Variants in GRIA4 observed in about 807,000 individuals in gnomAD.
The protein encoded by GRIA4 is glutamate receptor 4.
A neutral mutation model predicts 104.0 loss-of-function variants in GRIA4; 34 were observed. That is an observed-to-expected ratio of 0.33 (90% confidence interval 0.25 to 0.44). GRIA4 has a LOEUF of 0.44. Among genes scored for constraint, GRIA4 ranks in the 20% least tolerant of loss-of-function variants. The probability of loss-of-function intolerance (pLI) is 1.00; values close to 1 mark genes in which losing one functional copy is unlikely to be tolerated. For missense variants in GRIA4, 750 were observed against 1,096.5 expected (o/e 0.68, Z 4.46); for synonymous variants, 386 against 381.9 (o/e 1.01, Z -0.13).
chr11:105,912,448 G>C, intron 10 of GRIA4: 1 of 961,136 alleles, frequency 1.0e-6, no homozygotes, highest in Non-Finnish European at 1.2e-6. Context: ...AATTTTGCAA[G>C]CATGGCTAGT....
chr11:105,722,309 G>A lies in GRIA4; in HGVS notation c.248-30672G>A, dbSNP rs116132033. On this transcript the variant is annotated intron_variant, in intron 3 of 16. Coordinates refer to ENST00000282499, the MANE Select transcript of GRIA4 (RefSeq NM_000829.4). ...ATTATGATAAGCTTATTGTTATGTA[G>A]GCTCATTGTAAGTTGAGGAGCATCT... Among the ~76,000 whole-genome samples the A allele has an allele frequency of 3.0e-3, 454 of 152,194 alleles. 7 individuals carry two copies. The highest frequency in any genetic ancestry group is 0.011 in the African/African-American group (446 of 41,544).
intron 4 of GRIA4, among the ~76,000 whole-genome samples, chr11:105,845,735 T>A (rs1944565635): frequency 6.6e-6 from 1 of 151,888 alleles, no homozygotes; most frequent in Non-Finnish European, 1.5e-5. Context: ...TACAAAAAAA[T>A]TAGCCAGGTG....
chr11:105,786,736 G>C (rs1451191113), intron 4 of GRIA4, among the ~76,000 whole-genome samples: 1 of 152,126 alleles, frequency 6.6e-6, no homozygotes, highest in Non-Finnish European at 1.5e-5. Flanking sequence ...AAGCGATTTT[G>C]CTATTACTCT....
At chr11:105,788,339 G>T (rs1246631762) in intron 4 of GRIA4, among the ~76,000 whole-genome samples, 1 of 152,038 alleles carries the variant, frequency 6.6e-6, no homozygotes, top group Admixed American at 6.5e-5. Context: ...ACAGTATGGA[G>T]ATTTCTCAAA....
intron 4 of GRIA4, among the ~76,000 whole-genome samples, chr11:105,832,249 G>A (rs944000674): frequency 5.9e-5 from 9 of 151,994 alleles, no homozygotes; most frequent in African/African-American, 2.2e-4. Context: ...AGCAGTAAAA[G>A]CCATTTCCTT....
At chr11:105,898,466 T>C in intron 7 of GRIA4, 39 bp downstream of exon 7, 1 of 1,219,280 alleles carries the variant, frequency 8.2e-7, no homozygotes, top group Non-Finnish European at 1.2e-6. Flanking sequence ...ACTGATAGTT[T>C]CAAAATTTAA....
intron 4 of GRIA4, among the ~76,000 whole-genome samples, chr11:105,822,541 G>C (rs1180476387): frequency 6.6e-6 from 1 of 152,104 alleles, no homozygotes; most frequent in African/African-American, 2.4e-5. Context: ...AGGGTGCTCA[G>C]GGAATGCAAT....
intron 4 of GRIA4, among the ~76,000 whole-genome samples, chr11:105,835,233 G>C (rs1488201336): frequency 6.6e-6 from 1 of 151,924 alleles, no homozygotes; most frequent in Non-Finnish European, 1.5e-5. Context: ...TGTAAGTAGA[G>C]ATTTTCTTCA....
chr11:105,725,671 T>A (rs1424925883), intron 3 of GRIA4, among the ~76,000 whole-genome samples: 2 of 152,020 alleles, frequency 1.3e-5, no homozygotes, highest in Non-Finnish European at 2.9e-5. Flanking sequence ...AGAGGGTGAT[T>A]TCTGCATTTG....
At chr11:105,780,662 T>C (rs1171874958) in intron 4 of GRIA4, among the ~76,000 whole-genome samples, 1 of 152,160 alleles carries the variant, frequency 6.6e-6, no homozygotes, top group Non-Finnish European at 1.5e-5. Flanking sequence ...CTAGAAGTAA[T>C]GCCACTGCCT....
rs774428023 is a variant in GRIA4 at position 105,610,969 on chromosome 11, AGC to A, written c.-22_-21del. 2.8e-6 allele frequency: 4 copies of A among 1,424,826 alleles called. No individual in the cohort carries two copies. Among genetic ancestry groups the A allele is most frequent in the African/African-American group, 2.9e-5 (2 of 69,298 alleles). 88.3% of individuals were successfully genotyped at this position (1,424,826 alleles called of 1,614,324 possible). Reference sequence around the variant, plus strand: ...GGAAGAGTGCGAGAGAAAGAGAGAGAGCGCGCGCCAGGGAGAGGAGAAAAGAA... The same window carrying A: ...GGAAGAGTGCGAGAGAAAGAGAGAGAGCGCGCCAGGGAGAGGAGAAAAGAA... On this transcript the variant is annotated 5_prime_UTR_variant, in exon 2 of 17. Coordinates refer to ENST00000282499, the MANE Select transcript of GRIA4 (RefSeq NM_000829.4).
chr11:105,701,594 A>G (rs1352307499), intron 3 of GRIA4, among the ~76,000 whole-genome samples: 3 of 152,200 alleles, frequency 2.0e-5, no homozygotes, highest in Admixed American at 2.0e-4. Flanking sequence ...AGGTTTATTT[A>G]AAGTATTGGC....
Position 105,831,057 on chromosome 11 carries a change from C to A in GRIA4, c.488-30967C>A, listed in dbSNP as rs574117112. 2.0e-5 allele frequency among the ~76,000 whole-genome samples: 3 copies of A among 151,962 alleles called. No homozygotes were observed. In the South Asian group the frequency reaches 6.2e-4, roughly 32 times the overall value. ...AAAAAGCATTTATTATTTCTAATGA[C>A]TTTTTGTGATGACTTGACTCAGCTG... On this transcript the variant is annotated intron_variant, in intron 4 of 16. Coordinates refer to ENST00000282499, the MANE Select transcript of GRIA4 (RefSeq NM_000829.4).
chr11:105,979,952 T>C lies in GRIA4; in HGVS notation c.*213T>C. 2.4e-6 allele frequency: 1 copy of C among 417,926 alleles called. No homozygotes were observed. Among genetic ancestry groups the C allele is most frequent in the Non-Finnish European group, 4.4e-6 (1 of 228,432 alleles). The allele number at this position is 417,926 out of a possible 1,614,324, so 25.9% of individuals were successfully genotyped here. A position where few individuals can be genotyped will look rare whatever the true frequency, so the allele number is the denominator to read the frequency against. On this transcript the variant is annotated 3_prime_UTR_variant, in exon 17 of 17. Coordinates refer to ENST00000282499, the MANE Select transcript of GRIA4 (RefSeq NM_000829.4). ...AACTCAGATTTTATATCAGGAAAAC[T>C]CACAATTGAGGTTTTTTTCGGGGAG...
chr11:105,661,284 A>G (rs970350177), intron 3 of GRIA4, among the ~76,000 whole-genome samples: 3 of 151,674 alleles, frequency 2.0e-5, no homozygotes, highest in Non-Finnish European at 3.0e-5. Context: ...TATACATAGA[A>G]AGAGAAGTAT....
intron 16 of GRIA4, among the ~76,000 whole-genome samples, chr11:105,978,634 C>T (rs1388766328): frequency 6.6e-6 from 1 of 152,088 alleles, no homozygotes. Context: ...TTTGGATAAA[C>T]TTGAATTCAC....
intron 3 of GRIA4, among the ~76,000 whole-genome samples, chr11:105,709,038 A>G (rs1318624853): frequency 6.6e-6 from 1 of 152,094 alleles, no homozygotes; most frequent in African/African-American, 2.4e-5. Context: ...GCTTCTTAGT[A>G]AAATGGCTGA....
chr11:105,610,843 CT>C, intron 1 of GRIA4, 64 bp from the exon 2 acceptor site: 12 of 589,808 alleles, frequency 2.0e-5, no homozygotes, highest in East Asian at 5.7e-5. Flanking sequence ...AACCTCTTTC[CT>C]TTTTTTTCTT....
At chr11:105,679,453 T>C (rs1952641545) in intron 3 of GRIA4, among the ~76,000 whole-genome samples, 1 of 152,102 alleles carries the variant, frequency 6.6e-6, no homozygotes, top group Non-Finnish European at 1.5e-5. Context: ...CCATATTTAA[T>C]CTCCAAATAT....
Sources: allele counts gnomAD v4.1 joint callset (sites outside exome capture counted in the v4.1 genomes callset), GRCh38; gene constraint gnomAD v4.1.1; transcripts MANE v1.5; gene names NCBI Gene and HGNC (gene_info 2026-07-23, HGNC 2026-07-21).